DNAH11: variants seen among roughly 807,000 people sequenced by gnomAD.
DNAH11 encodes dynein axonemal heavy chain 11, also known as axonemal beta dynein heavy chain 11.
A neutral mutation model predicts 526.0 loss-of-function variants in DNAH11; 442 were observed. The observed-to-expected ratio is 0.84, with a 90% CI of 0.78 to 0.91. DNAH11 has a LOEUF of 0.91. DNAH11 is among the 40% of genes least tolerant of loss of function. The pLI is 0.00. For synonymous variants in DNAH11, 2,461 were observed against 1,935.9 expected (o/e 1.27, Z -7.12); for missense variants, 6,989 against 5,448.7 (o/e 1.28, Z -8.90).
At chr7:21,723,294 A>T (rs17145146) in intron 44 of DNAH11, among the ~76,000 whole-genome samples, 2,162 of 152,332 alleles carry the variant, frequency 0.014, 35 homozygotes, top group African/African-American at 0.034. Context: ...TTTTACAAAT[A>T]AGGAACTGAA....
intron 45 of DNAH11, among the ~76,000 whole-genome samples, chr7:21,730,199 C>T (rs1389954828): frequency 2.0e-5 from 3 of 152,176 alleles, no homozygotes; most frequent in African/African-American, 7.2e-5. Context: ...CAGCACTAGT[C>T]ACAATAGCCA....
At chr7:21,589,425 A>C (rs764805694) in intron 12 of DNAH11, 22 bp downstream of exon 12, 1 of 1,572,906 alleles carries the variant, frequency 6.4e-7, no homozygotes, top group Non-Finnish European at 8.6e-7. Flanking sequence ...ATTTTTTAAG[A>C]TGATTTATAA....
At chr7:21,613,676 A>T (rs1785635823) in intron 20 of DNAH11, among the ~76,000 whole-genome samples, 1 of 152,200 alleles carries the variant, frequency 6.6e-6, no homozygotes, top group African/African-American at 2.4e-5. Flanking sequence ...AGTAGATTTT[A>T]AGTGTTCTCA....
chr7:21,599,758 T>G, intron 14 of DNAH11, 29 bp from the exon 15 acceptor site: 1 of 1,435,698 alleles, frequency 7.0e-7, no homozygotes, highest in Non-Finnish European at 9.3e-7. Context: ...TTTGTTTATA[T>G]TCATCCACTA....
At chr7:21,742,817 C>T (rs535124407) in intron 49 of DNAH11, among the ~76,000 whole-genome samples, 43 of 152,244 alleles carry the variant, frequency 2.8e-4, no homozygotes, top group African/African-American at 1.0e-3. Context: ...ATGTCTTTGT[C>T]TGCGCTTCCG....
chr7:21,852,004 T>G (rs1782658280), intron 66 of DNAH11, among the ~76,000 whole-genome samples: 1 of 152,188 alleles, frequency 6.6e-6, no homozygotes, highest in Non-Finnish European at 1.5e-5. Context: ...CCTTCTGAAG[T>G]TTTTTAAAGA....
Position 21,863,063 on chromosome 7 carries a change from CA to C in DNAH11, c.11373+1056del, listed in dbSNP as rs373065417. On this transcript the variant is annotated intron_variant, in intron 69 of 81. Transcript: ENST00000409508. ...TGGGCAACAGAGCGAGACTCCGTCT[CA>C]AAAAAAAAAAAAAAAGAAAAAGAAA... Among the ~76,000 whole-genome samples the C allele has an allele frequency of 7.1e-3, 301 of 42,364 alleles. 1 individual carries two copies. Among genetic ancestry groups the C allele is most frequent in the South Asian group, 0.017 (25 of 1,444 alleles). The allele number at this position is 42,364 out of a possible 152,430, so 27.8% of individuals were successfully genotyped here. A position where few individuals can be genotyped will look rare whatever the true frequency, so the allele number is the denominator to read the frequency against.
Position 21,789,325 on chromosome 7 carries a change from A to G in DNAH11, c.10009A>G (p.Ile3337Val), listed in dbSNP as rs145645790. 4.5e-6 allele frequency: 7 copies of G among 1,569,446 alleles called. No individual in the cohort carries two copies. The highest frequency in any genetic ancestry group is 3.7e-5 in the Admixed American group (2 of 53,364). ...LAAATEKLEA[I>V]RKKLVDLDRN... ...TGCAGCTACTGAAAAACTAGAGGCT[A>G]TCAGGAAAAAGCTTGTGGTGAGTGC... is the stretch of plus-strand genomic sequence containing the variant. Residue 3337 changes from isoleucine (I) to valine (V), a missense_variant, in exon 61 of 82, where the codon ATC (isoleucine) becomes GTC (valine). Physicochemically the swap from Ile to Val is conservative, Grantham distance 29. Transcript: ENST00000409508.
intron 42 of DNAH11, among the ~76,000 whole-genome samples, chr7:21,715,735 A>G (rs1376203775): frequency 6.6e-6 from 1 of 151,998 alleles, no homozygotes; most frequent in Non-Finnish European, 1.5e-5. Context: ...TTCCTAAACT[A>G]TGTAAGTTTA....
At chr7:21,721,004 G>C in intron 44 of DNAH11, 148 bp downstream of exon 44, 2 of 1,040,796 alleles carry the variant, frequency 1.9e-6, no homozygotes, top group South Asian at 3.9e-5. Context: ...TGCATTCTCT[G>C]GGTAGTCCCA....
At chr7:21,733,036 TG>T (rs1247121556) in intron 45 of DNAH11, among the ~76,000 whole-genome samples, 1 of 151,518 alleles carries the variant, frequency 6.6e-6, no homozygotes, top group Admixed American at 6.6e-5. Context: ...GTGGAGCACG[TG>T]GCTATGTGGG....
Position 21,606,468 on chromosome 7 carries a change from A to G in DNAH11, c.3691A>G (p.Thr1231Ala), listed in dbSNP as rs1043600778. Reference sequence around the variant, plus strand: ...GGAAACTACCAAAAAGATCGCAGCAACTGTCAGACATGAAGTCTCACCTCT... The same window carrying G: ...GGAAACTACCAAAAAGATCGCAGCAGCTGTCAGACATGAAGTCTCACCTCT... Reference protein sequence around the residue: ...RWETTKKIAATVRHEVSPLHN... With the variant: ...RWETTKKIAAAVRHEVSPLHN... Residue 1231 changes from threonine to alanine, a missense_variant, in exon 19 of 82, where the codon ACT (threonine) becomes GCT (alanine). Physicochemically the swap from Thr to Ala is moderately conservative, Grantham distance 58. Coordinates refer to ENST00000409508, the MANE Select transcript of DNAH11 (RefSeq NM_001277115.2). The G allele has an allele frequency of 1.9e-6, 3 of 1,607,510 alleles. No homozygotes were observed. Among genetic ancestry groups the G allele is most frequent in the Non-Finnish European group, 1.7e-6 (2 of 1,178,428 alleles).
Position 21,852,360 on chromosome 7 carries a change from T to C in DNAH11, c.10897-107T>C, listed in dbSNP as rs1317935933. ...AGGCACACGTCGCAGTGAGCCAAGA[T>C]CATACCACTGTACTCCAGCCTGGGC... On this transcript the variant is annotated intron_variant, in intron 66 of 81. Transcript: ENST00000409508. 9 of 1,193,772 alleles carry C rather than the reference T, an allele frequency of 7.5e-6. No individual in the cohort carries two copies. The East Asian group carries it at 2.3e-4, about 31-fold the overall frequency. 73.9% of individuals were successfully genotyped at this position (1,193,772 alleles called of 1,614,324 possible). A position where few individuals can be genotyped will look rare whatever the true frequency, so the allele number is the denominator to read the frequency against.
At chr7:21,630,696 A>G (rs1438992766) in intron 25 of DNAH11, among the ~76,000 whole-genome samples, 1 of 152,148 alleles carries the variant, frequency 6.6e-6, no homozygotes, top group Non-Finnish European at 1.5e-5. Context: ...TCTCTTGTCA[A>G]ATTGGAGCTC....
intron 55 of DNAH11, among the ~76,000 whole-genome samples, chr7:21,770,227 T>G (rs78130781): frequency 0.049 from 7,476 of 152,226 alleles, 401 homozygotes; most frequent in East Asian, 0.32. Flanking sequence ...GATTTTGGAA[T>G]ATTTGCATTT....
chr7:21,869,795 A>T (rs1325932877), intron 73 of DNAH11, among the ~76,000 whole-genome samples: 1 of 152,222 alleles, frequency 6.6e-6, no homozygotes, highest in Non-Finnish European at 1.5e-5. Context: ...TTGAGTAGAC[A>T]ACTCCTTTAT....
chr7:21,715,511 G>A (rs1367330538), intron 42 of DNAH11, among the ~76,000 whole-genome samples: 1 of 152,134 alleles, frequency 6.6e-6, no homozygotes, highest in Non-Finnish European at 1.5e-5. Flanking sequence ...TTTTCTGTGG[G>A]CAAGGAAAGA....
At chr7:21,854,558 T>G (rs1782762055) in intron 68 of DNAH11, 103 bp downstream of exon 68, 1 of 1,244,850 alleles carries the variant, frequency 8.0e-7, no homozygotes, top group Non-Finnish European at 1.1e-6. Flanking sequence ...TAACTATTAT[T>G]ACTATTATTG....
rs541158569 is a variant in DNAH11, at chr7:21,544,017, T to C, written c.351+421T>C. Among the ~76,000 whole-genome samples, 32 of 152,306 alleles carry C rather than the reference T, an allele frequency of 2.1e-4. No individual in the cohort carries two copies. In the East Asian group the frequency reaches 6.2e-3, roughly 29 times the overall value. ...AGCGCATGTAACTCGTCACGTATTTTGATTACGTGCCAACAACACTTCACC... is the reference window on the plus strand; with the variant it reads ...AGCGCATGTAACTCGTCACGTATTTCGATTACGTGCCAACAACACTTCACC... On this transcript the variant is annotated intron_variant, in intron 1 of 81. Transcript: ENST00000409508.
Sources: allele counts gnomAD v4.1 joint callset (sites outside exome capture counted in the v4.1 genomes callset), GRCh38; gene constraint gnomAD v4.1.1; transcripts MANE v1.5; gene names NCBI Gene and HGNC (gene_info 2026-07-23, HGNC 2026-07-21).